Variants in CCDC7 observed in about 807,000 individuals in gnomAD.
CCDC7 encodes coiled-coil domain containing 7, also known as coiled-coil domain-containing protein 7.
Under a neutral mutation model 196.9 loss-of-function variants are expected in CCDC7, and 183 were observed. The ratio of observed to expected loss-of-function variants is 0.93; its 90% CI spans 0.82 to 1.05. The LOEUF is 1.05. Among genes scored for constraint, CCDC7 ranks in the 50% least tolerant of loss-of-function variants. CCDC7 has a pLI of 0.00. For missense variants in CCDC7, 1,540 were observed against 1,482.2 expected (o/e 1.04, Z -0.64); for synonymous variants, 525 against 484.6 (o/e 1.08, Z -1.10).
chr10:32,500,415 C>T (rs545826089), intron 9 of CCDC7, among the ~76,000 whole-genome samples: 461 of 147,452 alleles, frequency 3.1e-3, no homozygotes, highest in Non-Finnish European at 4.4e-3. Flanking sequence ...GACGGGGTCA[C>T]GGCCAGGCAG....
chr10:32,559,335 G>T (rs978253265), intron 13 of CCDC7, among the ~76,000 whole-genome samples: 1 of 152,178 alleles, frequency 6.6e-6, no homozygotes, highest in Non-Finnish European at 1.5e-5. Context: ...CTCCCAGCAC[G>T]CAGCTGGAGA....
At chr10:32,455,370 A>G (rs1322319474) in intron 2 of CCDC7, among the ~76,000 whole-genome samples, 4 of 151,786 alleles carry the variant, frequency 2.6e-5, no homozygotes, top group African/African-American at 7.3e-5. Context: ...GCTGGAGTGC[A>G]GTGGTGTGAT....
chr10:32,695,306 T>TG (rs2077570769), intron 24 of CCDC7, among the ~76,000 whole-genome samples: 1 of 152,210 alleles, frequency 6.6e-6, no homozygotes, highest in African/African-American at 2.4e-5. Context: ...ACAGGAACCT[T>TG]GGGACATGTG....
intron 21 of CCDC7, among the ~76,000 whole-genome samples, chr10:32,683,420 G>A (rs1020905630): frequency 2.6e-5 from 4 of 152,160 alleles, no homozygotes; most frequent in African/African-American, 9.7e-5. Flanking sequence ...TTGAAATTCT[G>A]TAGTGTGCTA....
intron 9 of CCDC7, among the ~76,000 whole-genome samples, chr10:32,517,600 A>G (rs1205685820): frequency 8.6e-6 from 1 of 116,282 alleles, no homozygotes. Flanking sequence ...GGGGAACATC[A>G]CACACCGGGG....
At chr10:32,823,724 T>C (rs1300409788) in intron 31 of CCDC7, among the ~76,000 whole-genome samples, 2 of 152,198 alleles carry the variant, frequency 1.3e-5, no homozygotes, top group African/African-American at 4.8e-5. Flanking sequence ...AAATTCTCTT[T>C]AGTAGATTTT....
intron 31 of CCDC7, among the ~76,000 whole-genome samples, chr10:32,816,087 T>G (rs539666210): frequency 6.8e-6 from 1 of 147,304 alleles, no homozygotes; most frequent in Admixed American, 6.7e-5. Flanking sequence ...CCTTTCCTAG[T>G]AAAAGAAAGG....
intron 18 of CCDC7, among the ~76,000 whole-genome samples, chr10:32,600,112 A>G (rs1397298143): frequency 1.3e-5 from 2 of 151,904 alleles, no homozygotes; most frequent in Non-Finnish European, 2.9e-5. Context: ...GTGAAAAATG[A>G]TGTTGGTATT....
upstream of CCDC7, among the ~76,000 whole-genome samples, chr10:32,448,184 C>T (rs925044712): frequency 1.3e-5 from 2 of 151,988 alleles, no homozygotes. Context: ...ATTTTCAGTG[C>T]TATTAAGATA....
At chr10:32,834,711 T>C (rs1023684285) in intron 32 of CCDC7, 104 bp from the exon 34 acceptor site, 13 of 521,246 alleles carry the variant, frequency 2.5e-5, no homozygotes, top group South Asian at 1.9e-4. Context: ...CTAATTAAGT[T>C]ATTACTATTC....
chr10:32,506,693 A>T (rs955073343), intron 9 of CCDC7, among the ~76,000 whole-genome samples: 2 of 151,996 alleles, frequency 1.3e-5, no homozygotes, highest in African/African-American at 4.8e-5. Flanking sequence ...CTCCACCAAA[A>T]ATACAAAAAT....
At chr10:32,453,566 G>A (rs1282225758) in intron 2 of CCDC7, 130 bp downstream of exon 3, 7 of 627,058 alleles carry the variant, frequency 1.1e-5, no homozygotes, top group Non-Finnish European at 1.6e-5. Flanking sequence ...TCCCATCCAT[G>A]AAAATGATCC....
chr10:32,475,303 G>T (rs1200822928), intron 8 of CCDC7, among the ~76,000 whole-genome samples: 1 of 152,040 alleles, frequency 6.6e-6, no homozygotes, highest in African/African-American at 2.4e-5. Context: ...GTCATCACAG[G>T]GCCTTTCCAC....
At chr10:32,636,472 T>C (rs1240520187) in intron 20 of CCDC7, among the ~76,000 whole-genome samples, 3 of 152,100 alleles carry the variant, frequency 2.0e-5, no homozygotes, top group East Asian at 1.9e-4. Context: ...AGTGAGAACA[T>C]GCGGTGTTTG....
At chr10:32,845,895 G>A in exon 36 of CCDC7, 1 of 1,610,918 alleles carries the variant, frequency 6.2e-7, no homozygotes. Context: ...AGGAATTCTT[G>A]GCAGATGCTA....
chr10:32,611,096 CTT>C (rs929923402), intron 18 of CCDC7, among the ~76,000 whole-genome samples: 12 of 152,184 alleles, frequency 7.9e-5, no homozygotes, highest in African/African-American at 2.4e-4. Context: ...TGTTTCCTGA[CTT>C]TTTAATGATC....
chr10:32,585,226 G>A (rs17575781), intron 18 of CCDC7, among the ~76,000 whole-genome samples: 1 of 151,874 alleles, frequency 6.6e-6, no homozygotes, highest in Non-Finnish European at 1.5e-5. Flanking sequence ...GGCGCATGCC[G>A]CCATGCCCAG....
chr10:32,624,294 G>T (rs574121848), intron 18 of CCDC7, among the ~76,000 whole-genome samples: 1 of 152,220 alleles, frequency 6.6e-6, no homozygotes, highest in South Asian at 2.1e-4. Flanking sequence ...CAGCCAGAGT[G>T]ATCTTCTTAA....
intron 18 of CCDC7, among the ~76,000 whole-genome samples, chr10:32,602,923 C>T (rs2061210806): frequency 6.6e-6 from 1 of 152,094 alleles, no homozygotes; most frequent in Admixed American, 6.5e-5. Context: ...TTAGGATATT[C>T]ATCACCTCAA....
Sources: gnomAD v4.1 joint callset for allele counts (sites outside exome capture counted in the v4.1 genomes callset) on GRCh38, gnomAD v4.1.1 for gene constraint, MANE v1.5 for transcripts, NCBI Gene and HGNC (gene_info 2026-07-23, HGNC 2026-07-21) for gene names.